The following CXADR variants were observed in gnomAD, a reference collection of about 807,000 sequenced individuals.
CXADR encodes the protein coxsackievirus and adenovirus receptor.
In CXADR, 20 loss-of-function variants were observed where a neutral mutation model predicts 40.3. The observed-to-expected ratio is 0.50, with a 90% CI of 0.35 to 0.72. CXADR has a LOEUF of 0.72. Among genes scored for constraint, CXADR ranks in the 30% least tolerant of loss-of-function variants. The pLI is 0.01. For missense variants in CXADR, 332 were observed against 449.1 expected (o/e 0.74, Z 2.36); for synonymous variants, 150 against 161.3 (o/e 0.93, Z 0.53).
chr21:17,601,043 A>G, the CXADR span, among the ~76,000 whole-genome samples: 1 of 152,084 alleles, frequency 6.6e-6, no homozygotes, highest in Non-Finnish European at 1.5e-5. Flanking sequence ...TGCGCCTGTA[A>G]TCCCAGCTAC....
At chr21:17,553,441 CTA>C (rs1347112909) in intron 3 of CXADR, among the ~76,000 whole-genome samples, 1 of 152,046 alleles carries the variant, frequency 6.6e-6, no homozygotes, top group Non-Finnish European at 1.5e-5. Context: ...ATCGCACTAA[CTA>C]AAAATGTTTC....
chr21:17,540,144 A>G lies in CXADR; in HGVS notation c.44-6883A>G, dbSNP rs542955880. On this transcript the variant is annotated intron_variant, in intron 1 of 6. Coordinates refer to ENST00000284878, the MANE Select transcript of CXADR (RefSeq NM_001338.5). ...CACGTGGCAGAGAGAGTGCTCCGGT[A>G]TTTCCTTCTCTTAAGCGGATGTCAG... Among the ~76,000 whole-genome samples, 8 of 152,122 alleles carry G rather than the reference A, an allele frequency of 5.3e-5. No individual in the cohort carries two copies. The South Asian group carries it at 1.7e-3, about 32-fold the overall frequency.
At chr21:17,623,125 G>C in the CXADR span, among the ~76,000 whole-genome samples, 2 of 151,990 alleles carry the variant, frequency 1.3e-5, no homozygotes, top group Non-Finnish European at 2.9e-5. Context: ...TTTTTTTATA[G>C]AGATGGGGTT....
the CXADR span, among the ~76,000 whole-genome samples, chr21:17,629,971 C>G: frequency 6.6e-6 from 1 of 152,152 alleles, no homozygotes; most frequent in Non-Finnish European, 1.5e-5. Flanking sequence ...GGCTATCAAG[C>G]TATCTGAGCA....
chr21:17,518,777 CT>C, intron 1 of CXADR: 2 of 1,581,938 alleles, frequency 1.3e-6, no homozygotes, highest in South Asian at 1.1e-5. Context: ...GAAGCTTGGA[CT>C]TTGGGATTGT....
chr21:17,543,495 G>A (rs751432159), intron 1 of CXADR, among the ~76,000 whole-genome samples: 5 of 152,056 alleles, frequency 3.3e-5, no homozygotes, highest in South Asian at 2.1e-4. Flanking sequence ...ACAGTAACCC[G>A]GAAGTTTTTA....
At chr21:17,549,110 G>A (rs370517750) in intron 2 of CXADR, among the ~76,000 whole-genome samples, 4 of 152,210 alleles carry the variant, frequency 2.6e-5, no homozygotes, top group African/African-American at 4.8e-5. Flanking sequence ...TGTAAACAGC[G>A]TGCTTGGGCA....
chr21:17,593,246 C>T, exon 8 of CXADR: 2 of 1,347,674 alleles, frequency 1.5e-6, no homozygotes, highest in Non-Finnish European at 1.9e-6. Flanking sequence ...TTATTTTAGG[C>T]CTCTAGTAAA....
rs571834978 is a variant in CXADR, at chr21:17,539,409, G to A, written c.44-7618G>A. Among the ~76,000 whole-genome samples the A allele has an allele frequency of 1.1e-3, 160 of 152,322 alleles. 1 individual carries two copies. Among genetic ancestry groups the A allele is most frequent in the African/African-American group, 3.7e-3 (155 of 41,570 alleles). On this transcript the variant is annotated intron_variant, in intron 1 of 6. Transcript: ENST00000284878. ...CAAGGATATCCCTATTACCTAAACA[G>A]ACTTCTTCCTGCTCTTGAATTTTCT...
At chr21:17,634,452 T>C in the CXADR span, among the ~76,000 whole-genome samples, 5 of 152,242 alleles carry the variant, frequency 3.3e-5, no homozygotes. Flanking sequence ...ATGAGCCCAG[T>C]AGTTTTCCCA....
intron 7 of CXADR, among the ~76,000 whole-genome samples, chr21:17,587,408 C>T (rs968329451): frequency 3.3e-5 from 5 of 152,112 alleles, no homozygotes; most frequent in Non-Finnish European, 4.4e-5. Flanking sequence ...CTGTTGTTTC[C>T]TGACTTTTTA....
At chr21:17,619,242 G>A in the CXADR span, among the ~76,000 whole-genome samples, 1 of 152,132 alleles carries the variant, frequency 6.6e-6, no homozygotes, top group Non-Finnish European at 1.5e-5. Flanking sequence ...TAGCCAGGCT[G>A]GGCGCAATGC....
At chr21:17,562,335 TC>T (rs67130711) in intron 6 of CXADR, among the ~76,000 whole-genome samples, 22,687 of 152,140 alleles carry the variant, frequency 0.15, 3,261 homozygotes, top group African/African-American at 0.38. Context: ...TTGTTTGTTT[TC>T]TGAGACAAGG....
At chr21:17,572,839 C>T (rs2061289954), downstream of CXADR, among the ~76,000 whole-genome samples, 1 of 152,050 alleles carries the variant, frequency 6.6e-6, no homozygotes. Flanking sequence ...TTGAGGTGAT[C>T]TGCGAAAATA....
the CXADR span, chr21:17,612,847 G>A: frequency 2.6e-5 from 4 of 152,128 alleles, no homozygotes; most frequent in Non-Finnish European, 2.9e-5. Context: ...CCGCGTCGTC[G>A]GGCGGCCAAG....
chr21:17,525,505 C>T (rs1055713576), intron 1 of CXADR, among the ~76,000 whole-genome samples: 3 of 152,210 alleles, frequency 2.0e-5, no homozygotes, highest in African/African-American at 4.8e-5. Flanking sequence ...GTGACTATCA[C>T]TTATTCTCTT....
At chr21:17,610,642 G>A in the CXADR span, among the ~76,000 whole-genome samples, 1 of 152,160 alleles carries the variant, frequency 6.6e-6, no homozygotes, top group African/African-American at 2.4e-5. Context: ...TCTACTCAGT[G>A]AGCTCATTCA....
chr21:17,529,306 C>T (rs1240802363), intron 1 of CXADR, among the ~76,000 whole-genome samples: 1 of 151,902 alleles, frequency 6.6e-6, no homozygotes, highest in Non-Finnish European at 1.5e-5. Context: ...GCTGGGATTA[C>T]AGGCTTGAGC....
chr21:17,521,717 A>G (rs73894832), intron 1 of CXADR, among the ~76,000 whole-genome samples: 1 of 152,322 alleles, frequency 6.6e-6, no homozygotes, highest in African/African-American at 2.4e-5. Context: ...GAAGCTTTGC[A>G]TGTGTGGCCT....
Sources: allele counts gnomAD v4.1 joint callset (sites outside exome capture counted in the v4.1 genomes callset), GRCh38; gene constraint gnomAD v4.1.1; transcripts MANE v1.5; gene names NCBI Gene and HGNC (gene_info 2026-07-23, HGNC 2026-07-21).